The following PRKCI variants were observed in gnomAD, a reference collection of about 807,000 sequenced individuals.
The protein encoded by PRKCI is protein kinase C iota type.
Under a neutral mutation model 84.0 loss-of-function variants are expected in PRKCI, and 43 were observed. That is an observed-to-expected ratio of 0.51 (90% CI 0.40 to 0.66). The LOEUF is 0.66. Ranked by LOEUF, PRKCI falls within the 30% of genes least tolerant of loss-of-function variation. PRKCI has a pLI of 0.00. For synonymous variants in PRKCI, 216 were observed against 234.4 expected, an observed-to-expected ratio of 0.92 and a Z score of 0.72; for missense variants, 459 against 745.6, an observed-to-expected ratio of 0.62 and a Z score of 4.48.
intron 2 of PRKCI, among the ~76,000 whole-genome samples, chr3:170,242,702 G>T (rs1017239166): frequency 2.0e-5 from 3 of 151,776 alleles, no homozygotes; most frequent in Admixed American, 1.3e-4. Flanking sequence ...ATGGATCCTT[G>T]CTCTGTCGCC....
At chr3:170,226,317 T>G (rs1732627115) in intron 1 of PRKCI, among the ~76,000 whole-genome samples, 1 of 152,234 alleles carries the variant, frequency 6.6e-6, no homozygotes, top group Non-Finnish European at 1.5e-5. Flanking sequence ...GCACCCGTCT[T>G]TTCCTAGCAA....
chr3:170,275,368 CT>C, intron 8 of PRKCI, 81 bp downstream of exon 8: 1 of 1,299,894 alleles, frequency 7.7e-7, no homozygotes, highest in African/African-American at 1.5e-5. Context: ...ACATATTGAC[CT>C]GCTTAGACTT....
intron 17 of PRKCI, among the ~76,000 whole-genome samples, chr3:170,301,738 G>GT (rs1173063580): frequency 2.0e-5 from 3 of 152,104 alleles, no homozygotes; most frequent in Non-Finnish European, 4.4e-5. Flanking sequence ...CCAGAGTATT[G>GT]TATCAGCCTC....
chr3:170,223,050 A>T (rs1213503329), intron 1 of PRKCI, among the ~76,000 whole-genome samples: 1 of 152,056 alleles, frequency 6.6e-6, no homozygotes, highest in Non-Finnish European at 1.5e-5. Context: ...CCTGGTGTGG[A>T]CGAGAGACTC....
At chr3:170,242,987 T>TTTTTTTTTTTTTTTTTTTTTTTGAGACGG (rs1733173985) in intron 2 of PRKCI, among the ~76,000 whole-genome samples, 1 of 152,138 alleles carries the variant, frequency 6.6e-6, no homozygotes, top group African/African-American at 2.4e-5. Flanking sequence ...ACATTTCTTA[T>TTTTTTTTTTTTTTTTTTTTTTTGAGACGG]AGAGAAGTTC....
intron 2 of PRKCI, among the ~76,000 whole-genome samples, chr3:170,252,056 A>C (rs889658769): frequency 4.6e-5 from 7 of 152,118 alleles, no homozygotes; most frequent in African/African-American, 1.7e-4. Flanking sequence ...TCTACTAAAA[A>C]TACAAAAATT....
chr3:170,228,616 TACAC>T (rs36006947), intron 1 of PRKCI, among the ~76,000 whole-genome samples: 4,748 of 147,342 alleles, frequency 0.032, 94 homozygotes, highest in Middle Eastern at 0.066. Flanking sequence ...TATATATATA[TACAC>T]ACACACACAC....
intron 2 of PRKCI, among the ~76,000 whole-genome samples, chr3:170,248,934 A>G (rs511258): frequency 0.31 from 46,857 of 150,222 alleles, 7,555 homozygotes; most frequent in African/African-American, 0.39. Context: ...TGCAAGCTCC[A>G]CCTCCCAGGT....
Position 170,252,347 on chromosome 3 carries a change from CTTTAAT to C in PRKCI, c.224-7615_224-7610del, listed in dbSNP as rs372080251. On this transcript the variant is annotated intron_variant, in intron 2 of 17. Transcript: ENST00000295797. ...CAGACTTTTTTTTGTTAATTTTTTA[CTTTAAT>C]TTTAATGGATACATAGTAGGTGTAT... is the stretch of plus-strand genomic sequence containing the variant. Among the ~76,000 whole-genome samples the C allele has an allele frequency of 3.2e-3, 485 of 151,824 alleles. 1 individual carries two copies. The highest frequency in any genetic ancestry group is 0.01 in the African/African-American group (429 of 41,416).
Position 170,275,293 on chromosome 3 carries a change from A to G in PRKCI, c.705+6A>G, listed in dbSNP as rs1445173420. On this transcript the variant is annotated splice_donor_region_variant and intron_variant, in intron 8 of 17. Coordinates refer to ENST00000295797, the MANE Select transcript of PRKCI (RefSeq NM_002740.6). ...AAGTTGGTGAAGAAAAAGAGGTAAGATAATTTGTCTTATTGTACATTATAT... is the reference window on the plus strand; with the variant it reads ...AAGTTGGTGAAGAAAAAGAGGTAAGGTAATTTGTCTTATTGTACATTATAT... 3 of 1,598,200 alleles carry G rather than the reference A, an allele frequency of 1.9e-6. No homozygotes were observed. The highest frequency in any genetic ancestry group is 2.6e-6 in the Non-Finnish European group (3 of 1,174,278).
intron 5 of PRKCI, among the ~76,000 whole-genome samples, chr3:170,269,235 C>T (rs907574773): frequency 3.9e-5 from 6 of 152,036 alleles, no homozygotes; most frequent in Admixed American, 6.6e-5. Flanking sequence ...TTTTTAAATA[C>T]TCTTGATAAC....
At chr3:170,258,768 AC>A (rs1733650516) in intron 2 of PRKCI, among the ~76,000 whole-genome samples, 1 of 152,208 alleles carries the variant, frequency 6.6e-6, no homozygotes, top group Admixed American at 6.5e-5. Context: ...CTCAAGTGCA[AC>A]TGTTCTTCAG....
intron 1 of PRKCI, among the ~76,000 whole-genome samples, chr3:170,234,617 A>G (rs976326080): frequency 6.6e-6 from 1 of 152,186 alleles, no homozygotes; most frequent in Non-Finnish European, 1.5e-5. Flanking sequence ...ATTCCAGAAT[A>G]CATTCTCTCA....
chr3:170,252,375 G>A (rs1049509194), intron 2 of PRKCI, among the ~76,000 whole-genome samples: 11 of 152,152 alleles, frequency 7.2e-5, no homozygotes, highest in Non-Finnish European at 1.5e-4. Context: ...CATAGTAGGT[G>A]TATGTGTTTA....
At chr3:170,243,577 T>A (rs918561304) in intron 2 of PRKCI, among the ~76,000 whole-genome samples, 3 of 152,200 alleles carry the variant, frequency 2.0e-5, no homozygotes, top group African/African-American at 7.2e-5. Context: ...GCTGCTTTTA[T>A]AAAATGGAAA....
At chr3:170,290,772 C>T (rs1017808173) in intron 12 of PRKCI, among the ~76,000 whole-genome samples, 2 of 151,960 alleles carry the variant, frequency 1.3e-5, no homozygotes, top group Non-Finnish European at 2.9e-5. Flanking sequence ...GTGATTGTCC[C>T]ATTAATTATT....
At chr3:170,226,882 A>T (rs903010512) in intron 1 of PRKCI, among the ~76,000 whole-genome samples, 1 of 152,200 alleles carries the variant, frequency 6.6e-6, no homozygotes. Context: ...AGAGAAAAAA[A>T]TAGAGCATGC....
chr3:170,259,940 G>T, intron 2 of PRKCI, 29 bp from the exon 3 acceptor site: 1 of 1,436,622 alleles, frequency 7.0e-7, no homozygotes, highest in South Asian at 1.3e-5. Context: ...GTTTTAAAGT[G>T]ACCTTTACTT....
At chr3:170,239,680 C>G (rs757562232) in intron 2 of PRKCI, among the ~76,000 whole-genome samples, 2 of 151,874 alleles carry the variant, frequency 1.3e-5, no homozygotes, top group Non-Finnish European at 2.9e-5. Flanking sequence ...CTCCAAGAAG[C>G]CTTCCTATCT....
Sources: gnomAD v4.1 joint callset for allele counts (sites outside exome capture counted in the v4.1 genomes callset) on GRCh38, gnomAD v4.1.1 for gene constraint, MANE v1.5 for transcripts, NCBI Gene and HGNC (gene_info 2026-07-23, HGNC 2026-07-21) for gene names.